Variants in DLC1 observed in about 807,000 individuals in gnomAD.
DLC1 encodes rho GTPase-activating protein 7.
Under a neutral mutation model 140.3 loss-of-function variants are expected in DLC1, and 54 were observed. That is an observed-to-expected ratio of 0.38 (90% CI 0.31 to 0.48). The LOEUF (loss-of-function observed/expected upper bound fraction) is 0.48, where lower values mean the gene tolerates loss of function less well. DLC1 is among the 20% of genes least tolerant of loss of function. The pLI is 0.96. For synonymous variants in DLC1, 986 were observed against 728.1 expected (o/e 1.35, Z -5.70); for missense variants, 2,536 against 1,907.0 (o/e 1.33, Z -6.14).
intron 5 of DLC1, among the ~76,000 whole-genome samples, chr8:13,282,062 G>A (rs567742812): frequency 2.2e-4 from 34 of 152,264 alleles, no homozygotes; most frequent in Admixed American, 8.5e-4. Flanking sequence ...TACATAGGGT[G>A]GGGACTCGTC....
intron 5 of DLC1, among the ~76,000 whole-genome samples, chr8:13,129,885 A>G (rs1326839450): frequency 1.3e-5 from 2 of 152,160 alleles, no homozygotes; most frequent in African/African-American, 4.8e-5. Flanking sequence ...GGTAGGGTGG[A>G]TCAGGTATTG....
intron 9 of DLC1, among the ~76,000 whole-genome samples, chr8:13,098,971 T>C (rs1818742900): frequency 6.6e-6 from 1 of 152,042 alleles, no homozygotes; most frequent in South Asian, 2.1e-4. Context: ...GCTGGCATCT[T>C]ATCTTAGGAA....
intron 5 of DLC1, among the ~76,000 whole-genome samples, chr8:13,144,729 C>A (rs566591005): frequency 6.6e-6 from 1 of 152,184 alleles, no homozygotes; most frequent in Non-Finnish European, 1.5e-5. Context: ...TGCACCACTG[C>A]ACTCCAGCCT....
At chr8:13,319,613 TC>T (rs1257061715) in intron 4 of DLC1, among the ~76,000 whole-genome samples, 1 of 151,920 alleles carries the variant, frequency 6.6e-6, no homozygotes, top group Non-Finnish European at 1.5e-5. Flanking sequence ...TGCGCCTGTT[TC>T]CCCTTTGCCT....
intron 5 of DLC1, chr8:13,116,357 T>G (rs1563630590): frequency 9.1e-6 from 4 of 441,442 alleles, no homozygotes; most frequent in Non-Finnish European, 1.2e-5. Flanking sequence ...ACTGACACAC[T>G]GTGTTAAAAC....
intron 1 of DLC1, among the ~76,000 whole-genome samples, chr8:13,500,859 A>G (rs1801781136): frequency 6.6e-6 from 1 of 152,140 alleles, no homozygotes; most frequent in Non-Finnish European, 1.5e-5. Flanking sequence ...CATGCATCCT[A>G]CTACTGCTAC....
At chr8:13,521,621 G>A (rs1162601360) in intron 1 of DLC1, among the ~76,000 whole-genome samples, 1 of 152,122 alleles carries the variant, frequency 6.6e-6, no homozygotes, top group African/African-American at 2.4e-5. Flanking sequence ...TCTGCCTTCT[G>A]AGATTCATTC....
intron 5 of DLC1, among the ~76,000 whole-genome samples, chr8:13,292,362 G>T (rs988051263): frequency 6.6e-6 from 1 of 152,170 alleles, no homozygotes. Flanking sequence ...ATTAGCTGTG[G>T]AACGATGAGT....
At chr8:13,105,502 T>C (rs866809170) in intron 7 of DLC1, among the ~76,000 whole-genome samples, 3 of 152,218 alleles carry the variant, frequency 2.0e-5, no homozygotes, top group Middle Eastern at 3.4e-3. Flanking sequence ...GAAATGGGGC[T>C]CAGGGAGGTC....
upstream of DLC1, among the ~76,000 whole-genome samples, chr8:13,516,152 ACT>A (rs1935354183): frequency 6.6e-6 from 1 of 151,412 alleles, no homozygotes; most frequent in Non-Finnish European, 1.5e-5. Flanking sequence ...GCTATTTATG[ACT>A]CAAGCATTTT....
rs370028341 is a variant in DLC1 at position 13,102,758 on chromosome 8, C to T, written c.1566+32G>A. On this transcript the variant is annotated intron_variant, in intron 8 of 17. Coordinates refer to ENST00000276297, the MANE Select transcript of DLC1 (RefSeq NM_182643.3). ...TCACTTTTTTGTTTGCCCCTTTTCC[C>T]CCTCATTCTATTATGCAATTTGTAT... is the stretch of plus-strand genomic sequence containing the variant. 1.9e-5 allele frequency: 31 copies of T among 1,589,786 alleles called. No individual in the cohort carries two copies. The African/African-American group carries it at 3.6e-4, about 19-fold the overall frequency.
intron 1 of DLC1, among the ~76,000 whole-genome samples, chr8:13,596,553 A>G (rs1289731031): frequency 6.6e-6 from 1 of 152,036 alleles, no homozygotes; most frequent in Non-Finnish European, 1.5e-5. Context: ...TTAGCAGAGT[A>G]ACAATACTAG....
intron 5 of DLC1, among the ~76,000 whole-genome samples, chr8:13,155,127 CGCT>C (rs1444148325): frequency 8.0e-6 from 1 of 124,786 alleles, no homozygotes; most frequent in African/African-American, 2.8e-5. Context: ...CTACAACTTG[CGCT>C]GCTTTTTTTT....
At position 13,166,720 on chromosome 8, in the gene DLC1, C is replaced by T. The variant is rs569626573; in HGVS notation, c.1349-51063G>A. Among the ~76,000 whole-genome samples the T allele has an allele frequency of 4.0e-5, 6 of 150,516 alleles. No homozygotes were observed. The South Asian group carries it at 1.3e-3, about 32-fold the overall frequency. Reference sequence around the variant, plus strand: ...CAAATAAGCCAACTTATTTAAACTGCTGAATATATTTTTTAGACACACCTC... The same window carrying T: ...CAAATAAGCCAACTTATTTAAACTGTTGAATATATTTTTTAGACACACCTC... On this transcript the variant is annotated intron_variant, in intron 5 of 17. Transcript: ENST00000276297.
intron 5 of DLC1, among the ~76,000 whole-genome samples, chr8:13,121,085 A>T (rs1405669266): frequency 6.6e-6 from 1 of 152,084 alleles, no homozygotes; most frequent in African/African-American, 2.4e-5. Context: ...TGGTACAGTG[A>T]ATTTTTTTTA....
intron 4 of DLC1, among the ~76,000 whole-genome samples, chr8:13,362,511 T>C (rs1236108316): frequency 6.6e-6 from 1 of 152,154 alleles, no homozygotes; most frequent in African/African-American, 2.4e-5. Context: ...TAACCTTTCC[T>C]GCCTTCATTA....
intron 1 of DLC1, among the ~76,000 whole-genome samples, chr8:13,541,182 C>T (rs1005096942): frequency 6.6e-6 from 1 of 152,168 alleles, no homozygotes; most frequent in African/African-American, 2.4e-5. Flanking sequence ...TCTACCACAA[C>T]CTGTTTATAC....
chr8:13,309,967 T>A (rs1432960558), intron 4 of DLC1, among the ~76,000 whole-genome samples: 3 of 152,208 alleles, frequency 2.0e-5, no homozygotes, highest in Admixed American at 2.0e-4. Context: ...ATATTTCTAT[T>A]AATTTTCTTT....
At chr8:13,373,873 C>A (rs1835840658) in intron 4 of DLC1, among the ~76,000 whole-genome samples, 1 of 152,108 alleles carries the variant, frequency 6.6e-6, no homozygotes, top group South Asian at 2.1e-4. Context: ...GCTTTGCATT[C>A]ATATATAAAG....
Sources: allele counts gnomAD v4.1 joint callset (sites outside exome capture counted in the v4.1 genomes callset), GRCh38; gene constraint gnomAD v4.1.1; transcripts MANE v1.5; gene names NCBI Gene and HGNC (gene_info 2026-07-23, HGNC 2026-07-21).